Variants in RREB1 observed in about 807,000 individuals in gnomAD.
RREB1 encodes the protein ras-responsive element-binding protein 1.
RREB1 carries 27 observed loss-of-function variants against 117.8 expected under a neutral mutation model. That is an observed-to-expected ratio of 0.23 (90% CI 0.17 to 0.32). RREB1 has a LOEUF of 0.32. Ranked by LOEUF, RREB1 falls within the 10% of genes least tolerant of loss-of-function variation. The pLI is 1.00. For missense variants in RREB1, 2,577 were observed against 2,378.2 expected, an observed-to-expected ratio of 1.08 and a Z score of -1.74; for synonymous variants, 1,298 against 1,026.7, an observed-to-expected ratio of 1.26 and a Z score of -5.05.
intron 6 of RREB1, among the ~76,000 whole-genome samples, 158 bp downstream of exon 6, chr6:7,189,480 G>T (rs975153589): frequency 3.9e-5 from 6 of 152,142 alleles, no homozygotes; most frequent in Non-Finnish European, 8.8e-5. Flanking sequence ...CACTATCTCT[G>T]GGGTATTAGA....
rs1437391342 is a variant in RREB1, at chr6:7,108,876, G to T, written c.-285+816G>T. ...CCTCGCGGGTTCCCGGCTGGCGGTCGTGGTCACGCCGACCACCGCCCCGGG... is the reference window on the plus strand; with the variant it reads ...CCTCGCGGGTTCCCGGCTGGCGGTCTTGGTCACGCCGACCACCGCCCCGGG... On this transcript the variant is annotated intron_variant, in intron 1 of 12. Transcript: ENST00000379938. Among the ~76,000 whole-genome samples the T allele has an allele frequency of 2.0e-5, 3 of 151,596 alleles. No homozygotes were observed. The East Asian group carries it at 5.9e-4, about 30-fold the overall frequency.
At chr6:7,149,355 A>G (rs1331123143) in intron 1 of RREB1, among the ~76,000 whole-genome samples, 4 of 152,258 alleles carry the variant, frequency 2.6e-5, no homozygotes, top group African/African-American at 9.6e-5. Context: ...CCTGGAAAAC[A>G]TAGTCTCTGT....
At chr6:7,168,444 C>T (rs374350482) in intron 1 of RREB1, among the ~76,000 whole-genome samples, 6 of 152,272 alleles carry the variant, frequency 3.9e-5, no homozygotes, top group African/African-American at 1.4e-4. Context: ...CCTGGTCTCC[C>T]ACCCATTGCC....
chr6:7,209,918 G>A (rs1197959723), intron 6 of RREB1, among the ~76,000 whole-genome samples: 5 of 152,344 alleles, frequency 3.3e-5, no homozygotes, highest in East Asian at 1.9e-4. Flanking sequence ...CCACGGCTAC[G>A]TGATGAGGGT....
At chr6:7,135,706 G>GT (rs1344077409) in intron 1 of RREB1, among the ~76,000 whole-genome samples, 1 of 152,146 alleles carries the variant, frequency 6.6e-6, no homozygotes, top group Admixed American at 6.5e-5. Context: ...CAGGTATTCC[G>GT]TTTAAGTTTT....
intron 10 of RREB1, among the ~76,000 whole-genome samples, chr6:7,239,116 C>CA (rs1554128329): frequency 6.6e-6 from 1 of 152,234 alleles, no homozygotes; most frequent in Admixed American, 6.5e-5. Context: ...TGGCCTTGGG[C>CA]ACCTGCACTA....
In RREB1 at chr6:7,156,433, A is replaced by G. The variant is rs1398470225; in HGVS notation, c.-284-20222A>G. 2.6e-5 allele frequency among the ~76,000 whole-genome samples: 4 copies of G among 152,244 alleles called. No homozygotes were observed. In the South Asian group the frequency reaches 6.2e-4, roughly 24 times the overall value. ...ACCAATCTAACCTGTGAGGAAGGCC[A>G]GGGAACACTGTGCCCTTGATGTGCT... On this transcript the variant is annotated intron_variant, in intron 1 of 12. Transcript: ENST00000379938.
chr6:7,149,995 G>GTTTTTTT, intron 1 of RREB1, among the ~76,000 whole-genome samples: 1 of 140,316 alleles, frequency 7.1e-6, no homozygotes, highest in Middle Eastern at 3.7e-3. Flanking sequence ...GGCCTGGTTG[G>GTTTTTTT]TTTTTTTTTT....
At chr6:7,146,435 C>T (rs553743651) in intron 1 of RREB1, among the ~76,000 whole-genome samples, 2 of 152,006 alleles carry the variant, frequency 1.3e-5, no homozygotes, top group Non-Finnish European at 2.9e-5. Flanking sequence ...ACGCAGACAG[C>T]CTGGGAGGGC....
chr6:7,180,170 T>C (rs1764717732), intron 2 of RREB1, among the ~76,000 whole-genome samples: 1 of 152,224 alleles, frequency 6.6e-6, no homozygotes, highest in Non-Finnish European at 1.5e-5. Context: ...ATTCACATCT[T>C]CAAAATGTCT....
chr6:7,210,765 T>A, intron 6 of RREB1, 39 bp from the exon 7 acceptor site: 1 of 1,556,378 alleles, frequency 6.4e-7, no homozygotes, highest in Non-Finnish European at 8.7e-7. Context: ...AACTGACTTC[T>A]TTGTTAGATC....
chr6:7,247,077 A>C lies in RREB1; in HGVS notation c.4627A>C (p.Lys1543Gln). 1.2e-6 allele frequency: 2 copies of C among 1,613,654 alleles called. No individual in the cohort carries two copies. The highest frequency in any genetic ancestry group is 1.7e-6 in the Non-Finnish European group (2 of 1,179,898). ...CGCGGCCGAGAAAAGGTCCTCAGAG[A>C]AGAGCGACGATGACAAGAAACCAAA... is the stretch of plus-strand genomic sequence containing the variant. The part of the protein sequence containing the change: ...ESAAEKRSSE[K>Q]SDDDKKPKTD... The change falls in exon 12 of 13, where the codon AAG (lysine) becomes CAG (glutamine). Residue 1543 changes from lysine to glutamine, a missense_variant. Physicochemically the swap from Lys to Gln is moderately conservative, Grantham distance 53. Coordinates refer to ENST00000379938, the MANE Select transcript of RREB1 (RefSeq NM_001003699.4).
chr6:7,168,311 G>A (rs1764056841), intron 1 of RREB1, among the ~76,000 whole-genome samples: 1 of 150,198 alleles, frequency 6.7e-6, no homozygotes, highest in African/African-American at 2.5e-5. Context: ...AAGTTATGCT[G>A]TAATGGTTTA....
intron 1 of RREB1, among the ~76,000 whole-genome samples, chr6:7,134,336 C>G (rs935488127): frequency 6.6e-6 from 1 of 152,196 alleles, no homozygotes; most frequent in Non-Finnish European, 1.5e-5. Context: ...GGGTTGGCCT[C>G]TCTTGAGAGG....
chr6:7,153,446 A>AG lies in RREB1; in HGVS notation c.-284-23209_-284-23208insG, dbSNP rs1238361471. On this transcript the variant is annotated intron_variant, in intron 1 of 12. Coordinates refer to ENST00000379938, the MANE Select transcript of RREB1 (RefSeq NM_001003699.4). ...CACACACACACACACACACACACAAATCCTCCAATGTATTTACTTTTCACA... is the reference window on the plus strand; with the variant it reads ...CACACACACACACACACACACACAAAGTCCTCCAATGTATTTACTTTTCACA... 5.2e-3 allele frequency among the ~76,000 whole-genome samples: 795 copies of AG among 151,888 alleles called. 3 individuals are homozygous for AG. The highest frequency in any genetic ancestry group is 8.5e-3 in the Non-Finnish European group (579 of 67,944).
chr6:7,238,308 G>C (rs1768474299), intron 10 of RREB1, among the ~76,000 whole-genome samples: 1 of 152,316 alleles, frequency 6.6e-6, no homozygotes, highest in African/African-American at 2.4e-5. Flanking sequence ...CACAATCTCT[G>C]CTCACTGCCA....
chr6:7,185,683 C>CTGGT (rs1384821971), intron 4 of RREB1, among the ~76,000 whole-genome samples: 2 of 152,170 alleles, frequency 1.3e-5, no homozygotes, highest in Admixed American at 1.3e-4. Context: ...TTCCACCCGT[C>CTGGT]TGGTTTATGG....
chr6:7,249,436 A>G lies in RREB1; in HGVS notation c.*468A>G, dbSNP rs1769316598. 6.4e-6 allele frequency: 1 copy of G among 156,830 alleles called. No homozygotes were observed. The highest frequency in any genetic ancestry group is 1.4e-5 in the Non-Finnish European group (1 of 71,108). 9.7% of individuals were successfully genotyped at this position (156,830 alleles called of 1,614,324 possible). On this transcript the variant is annotated 3_prime_UTR_variant, in exon 13 of 13. Coordinates refer to ENST00000379938, the MANE Select transcript of RREB1 (RefSeq NM_001003699.4). ...TACCCATAGCCAATAACTGGAAGAA[A>G]ATGATGTGAATTTCATGTAAATGAC... is the stretch of plus-strand genomic sequence containing the variant.
At chr6:7,149,406 T>G (rs778523368) in intron 1 of RREB1, among the ~76,000 whole-genome samples, 1 of 152,198 alleles carries the variant, frequency 6.6e-6, no homozygotes, top group Non-Finnish European at 1.5e-5. Flanking sequence ...TCAAGTTAAA[T>G]TTAAACCATC....
Sources: gnomAD v4.1 joint callset for allele counts (sites outside exome capture counted in the v4.1 genomes callset) on GRCh38, gnomAD v4.1.1 for gene constraint, MANE v1.5 for transcripts, NCBI Gene and HGNC (gene_info 2026-07-23, HGNC 2026-07-21) for gene names.